ATE1: variants seen among roughly 807,000 people sequenced by gnomAD.
ATE1 encodes arginyl-tRNA--protein transferase 1.
In ATE1, 36 loss-of-function variants were observed where a neutral mutation model predicts 70.5. The ratio of observed to expected loss-of-function variants is 0.51; its 90% CI spans 0.39 to 0.67. ATE1 has a LOEUF of 0.67. Among genes scored for constraint, ATE1 ranks in the 30% least tolerant of loss-of-function variants. ATE1 has a pLI of 0.00. For synonymous variants in ATE1, 232 were observed against 219.3 expected, an observed-to-expected ratio of 1.06 and a Z score of -0.51; for missense variants, 593 against 629.5, an observed-to-expected ratio of 0.94 and a Z score of 0.62.
chr10:121,757,554 T>TG (rs2135755360), intron 11 of ATE1, among the ~76,000 whole-genome samples: 1 of 152,292 alleles, frequency 6.6e-6, no homozygotes, highest in South Asian at 2.1e-4. Flanking sequence ...TCCACATGAC[T>TG]GGGGAAGCCT....
intron 10 of ATE1, among the ~76,000 whole-genome samples, chr10:121,827,962 C>T (rs1333362064): frequency 6.6e-6 from 1 of 152,160 alleles, no homozygotes; most frequent in African/African-American, 2.4e-5. Context: ...GTAATGCATC[C>T]TGTCTATATA....
intron 10 of ATE1, among the ~76,000 whole-genome samples, chr10:121,824,223 C>G (rs1206466080): frequency 6.6e-6 from 1 of 152,152 alleles, no homozygotes; most frequent in Non-Finnish European, 1.5e-5. Context: ...CATGCTGAAT[C>G]AAAAGAATCC....
intron 10 of ATE1, among the ~76,000 whole-genome samples, chr10:121,813,372 T>C (rs189886459): frequency 2.0e-5 from 3 of 152,348 alleles, no homozygotes; most frequent in Admixed American, 6.5e-5. Flanking sequence ...GTTCATTTAT[T>C]TGCGGTCAAG....
intron 8 of ATE1, among the ~76,000 whole-genome samples, chr10:121,863,605 T>C (rs1201394398): frequency 6.6e-6 from 1 of 150,938 alleles, no homozygotes; most frequent in Admixed American, 6.6e-5. Flanking sequence ...AATTCTTAAG[T>C]TTTTTTTTCA....
At chr10:121,747,143 C>CAG (rs1468509809) in intron 11 of ATE1, among the ~76,000 whole-genome samples, 2 of 152,196 alleles carry the variant, frequency 1.3e-5, no homozygotes, top group Non-Finnish European at 2.9e-5. Context: ...TCAACGATGC[C>CAG]AGCCAGAGGG....
chr10:121,866,672 A>C (rs935957914), intron 8 of ATE1, among the ~76,000 whole-genome samples: 1 of 151,878 alleles, frequency 6.6e-6, no homozygotes, highest in Non-Finnish European at 1.5e-5. Flanking sequence ...ACATGGTGAA[A>C]CCTGTCTTTA....
intron 10 of ATE1, among the ~76,000 whole-genome samples, chr10:121,802,000 A>G (rs1946900978): frequency 6.6e-6 from 1 of 152,060 alleles, no homozygotes; most frequent in Non-Finnish European, 1.5e-5. Context: ...AATGAGATAA[A>G]TCACTAAAAA....
At chr10:121,868,233 T>C (rs1949728915) in intron 8 of ATE1, among the ~76,000 whole-genome samples, 4 of 152,244 alleles carry the variant, frequency 2.6e-5, no homozygotes, top group Admixed American at 1.3e-4. Flanking sequence ...ATTTGTATTT[T>C]ATCTTATCAA....
chr10:121,809,306 G>GT (rs1349797168), intron 10 of ATE1, among the ~76,000 whole-genome samples: 1 of 143,182 alleles, frequency 7.0e-6, no homozygotes, highest in Non-Finnish European at 1.5e-5. Context: ...GTTTTTTCAA[G>GT]TAAAAAAAAA....
At chr10:121,784,514 T>C (rs539501138) in intron 11 of ATE1, among the ~76,000 whole-genome samples, 1 of 152,138 alleles carries the variant, frequency 6.6e-6, no homozygotes, top group South Asian at 2.1e-4. Flanking sequence ...GTTAGCACCA[T>C]ACTAAATTGT....
At chr10:121,900,674 G>T (rs1262103886) in intron 6 of ATE1, among the ~76,000 whole-genome samples, 1 of 152,198 alleles carries the variant, frequency 6.6e-6, no homozygotes, top group African/African-American at 2.4e-5. Flanking sequence ...CAAATGCAAT[G>T]CAATGAAAAC....
chr10:121,879,817 G>A (rs565475402), intron 7 of ATE1, among the ~76,000 whole-genome samples: 2 of 152,092 alleles, frequency 1.3e-5, no homozygotes, highest in East Asian at 3.9e-4. Flanking sequence ...AGACCTTCTT[G>A]GGAACATCCA....
At chr10:121,839,319 T>A (rs1459138550) in intron 9 of ATE1, among the ~76,000 whole-genome samples, 3 of 152,200 alleles carry the variant, frequency 2.0e-5, no homozygotes, top group African/African-American at 7.2e-5. Context: ...TATTGAGCCA[T>A]GAAATATTTC....
chr10:121,794,838 C>A (rs1946599845), intron 10 of ATE1, among the ~76,000 whole-genome samples: 1 of 151,796 alleles, frequency 6.6e-6, no homozygotes, highest in African/African-American at 2.4e-5. Flanking sequence ...ACTTTTGAGT[C>A]CTTAAGGTTA....
intron 10 of ATE1, among the ~76,000 whole-genome samples, chr10:121,816,820 G>A (rs1947561964): frequency 6.6e-6 from 1 of 152,192 alleles, no homozygotes; most frequent in Admixed American, 6.5e-5. Context: ...CCCTGAACGT[G>A]ACTGATTTCA....
chr10:121,825,630 C>T (rs1947978265), intron 10 of ATE1, among the ~76,000 whole-genome samples: 1 of 152,128 alleles, frequency 6.6e-6, no homozygotes, highest in East Asian at 1.9e-4. Context: ...CACCTCACAC[C>T]CATTACAATA....
Position 121,906,741 on chromosome 10 carries a change from G to A in ATE1, c.584-4121C>T, listed in dbSNP as rs561141022. Among the ~76,000 whole-genome samples, 16 of 151,990 alleles carry A rather than the reference G, an allele frequency of 1.1e-4. No homozygotes were observed. The South Asian group carries it at 1.9e-3, about 18-fold the overall frequency. ...AGCCTCCTGAGGAGCAGGGATTTCC[G>A]ACACGCACCTCTACCCCCAGCTAAT... is the stretch of plus-strand genomic sequence containing the variant. On this transcript the variant is annotated intron_variant, in intron 5 of 11. Transcript: ENST00000224652.
At chr10:121,899,189 GT>G (rs1221768110) in intron 7 of ATE1, among the ~76,000 whole-genome samples, 1 of 148,198 alleles carries the variant, frequency 6.7e-6, no homozygotes, top group Non-Finnish European at 1.5e-5. Context: ...CCAACAATTT[GT>G]TCTTTTTTTT....
At chr10:121,793,456 G>A (rs1946534162) in intron 10 of ATE1, among the ~76,000 whole-genome samples, 1 of 152,130 alleles carries the variant, frequency 6.6e-6, no homozygotes, top group African/African-American at 2.4e-5. Flanking sequence ...TTCCACAGAA[G>A]TTGTGCCATT....
Sources: gnomAD v4.1 joint callset for allele counts (sites outside exome capture counted in the v4.1 genomes callset) on GRCh38, gnomAD v4.1.1 for gene constraint, MANE v1.5 for transcripts, NCBI Gene and HGNC (gene_info 2026-07-23, HGNC 2026-07-21) for gene names.